The following SNX29 variants were observed in gnomAD, a reference collection of about 807,000 sequenced individuals.
The protein encoded by SNX29 is sorting nexin 29.
A neutral mutation model predicts 102.1 loss-of-function variants in SNX29; 78 were observed. That is an observed-to-expected ratio of 0.76 (90% CI 0.64 to 0.92). The LOEUF (loss-of-function observed/expected upper bound fraction) is 0.92. SNX29 is among the 40% of genes least tolerant of loss of function. The pLI is 0.00. For synonymous variants in SNX29, 580 were observed against 414.5 expected, an observed-to-expected ratio of 1.40 and a Z score of -4.85; for missense variants, 1,280 against 1,061.7, an observed-to-expected ratio of 1.21 and a Z score of -2.86.
At chr16:12,297,821 A>G (rs1218257706) in intron 15 of SNX29, among the ~76,000 whole-genome samples, 1 of 152,148 alleles carries the variant, frequency 6.6e-6, no homozygotes, top group Admixed American at 6.5e-5. Flanking sequence ...ACAACTGTCG[A>G]AACCTTCCCA....
intron 1 of SNX29, chr16:11,977,145 A>G (rs2055319349): frequency 6.3e-6 from 2 of 315,376 alleles, no homozygotes; most frequent in Admixed American, 1.0e-4. Flanking sequence ...CCCAGGTCTC[A>G]GTCTCTCCTA....
At chr16:12,224,124 G>C (rs544741534) in intron 14 of SNX29, among the ~76,000 whole-genome samples, 2 of 152,182 alleles carry the variant, frequency 1.3e-5, no homozygotes, top group Non-Finnish European at 2.9e-5. Flanking sequence ...TTTTCCTTTT[G>C]TTTCTTTCTC....
chr16:12,432,548 G>C (rs1234060695), intron 18 of SNX29, among the ~76,000 whole-genome samples: 1 of 152,166 alleles, frequency 6.6e-6, no homozygotes, highest in African/African-American at 2.4e-5. Context: ...CTAAGAAGGG[G>C]GATGGCAGGA....
chr16:12,151,573 G>A (rs966824872), intron 13 of SNX29, among the ~76,000 whole-genome samples: 1 of 152,100 alleles, frequency 6.6e-6, no homozygotes, highest in Non-Finnish European at 1.5e-5. Flanking sequence ...GTTCTGCCCG[G>A]GACTCGTACC....
chr16:12,480,577 G>T (rs1215547263), intron 19 of SNX29, among the ~76,000 whole-genome samples: 1 of 152,122 alleles, frequency 6.6e-6, no homozygotes, highest in Non-Finnish European at 1.5e-5. Flanking sequence ...TGGGGATTTG[G>T]GTGTGGACAT....
intron 18 of SNX29, among the ~76,000 whole-genome samples, chr16:12,431,434 C>CTTCTTTTTTTTTTTTTTTTTTTTTT (rs779738786): frequency 7.3e-6 from 1 of 136,950 alleles, no homozygotes; most frequent in African/African-American, 2.7e-5. Context: ...TCTTCTTCTT[C>CTTCTTTTTTTTTTTTTTTTTTTTTT]TTTTTTTTTT....
chr16:12,236,213 G>A (rs1248018579), intron 14 of SNX29, among the ~76,000 whole-genome samples: 3 of 152,060 alleles, frequency 2.0e-5, no homozygotes, highest in Non-Finnish European at 2.9e-5. Context: ...ACATCATCTG[G>A]TTGAACCAAA....
At chr16:12,527,692 G>C (rs1047328859) in intron 20 of SNX29, among the ~76,000 whole-genome samples, 1 of 152,170 alleles carries the variant, frequency 6.6e-6, no homozygotes, top group African/African-American at 2.4e-5. Flanking sequence ...ATCCTAGGGT[G>C]TTTGGCACCA....
chr16:12,333,222 C>T lies in SNX29; in HGVS notation c.1783-22941C>T, dbSNP rs138066224. On this transcript the variant is annotated intron_variant, in intron 15 of 20. Coordinates refer to ENST00000566228, the MANE Select transcript of SNX29 (RefSeq NM_032167.5). The stretch of plus-strand genomic sequence containing the variant: ...CCAAGTTCAAGTGATTGTCCTGCCT[C>T]AGCCTCCCAAGTAACTGGGACTACA... 3.4e-3 allele frequency among the ~76,000 whole-genome samples: 510 copies of T among 151,048 alleles called. 6 individuals are homozygous for T. Among genetic ancestry groups the T allele is most frequent in the African/African-American group, 0.012 (488 of 41,184 alleles).
intron 15 of SNX29, among the ~76,000 whole-genome samples, chr16:12,319,269 C>G (rs1196880396): frequency 6.6e-6 from 1 of 152,166 alleles, no homozygotes; most frequent in Non-Finnish European, 1.5e-5. Context: ...AATCCCAGCA[C>G]TGTGGGAGGA....
chr16:12,445,117 C>T (rs570221275), intron 18 of SNX29, among the ~76,000 whole-genome samples: 1 of 151,908 alleles, frequency 6.6e-6, no homozygotes, highest in East Asian at 1.9e-4. Context: ...TCTCAAAGTG[C>T]TGGGATTATA....
At chr16:11,998,325 T>G (rs1308627327) in intron 1 of SNX29, among the ~76,000 whole-genome samples, 1 of 152,080 alleles carries the variant, frequency 6.6e-6, no homozygotes, top group Admixed American at 6.6e-5. Context: ...GGAGATCAGG[T>G]GTGGCTCTAC....
At chr16:12,051,491 C>A (rs918244482) in intron 7 of SNX29, among the ~76,000 whole-genome samples, 1 of 152,198 alleles carries the variant, frequency 6.6e-6, no homozygotes, top group African/African-American at 2.4e-5. Context: ...GACTACACCC[C>A]CCAGCTGGTT....
rs114551164 is a variant in SNX29, at chr16:12,222,559, A to G, written c.1678+22876A>G. On this transcript the variant is annotated intron_variant, in intron 14 of 20. Transcript: ENST00000566228. The stretch of plus-strand genomic sequence containing the variant: ...ACTTCATATCTGGGTGAAGCTTCAC[A>G]GTTTGCAGAGTGCTGTCTTTTTTCT... Among the ~76,000 whole-genome samples the G allele has an allele frequency of 2.4e-3, 361 of 152,206 alleles. 2 individuals carry two copies. The highest frequency in any genetic ancestry group is 7.9e-3 in the African/African-American group (330 of 41,530).
In SNX29 at chr16:12,319,088, T is replaced by A. The variant is rs2080846220; in HGVS notation, c.1783-37075T>A. Among the ~76,000 whole-genome samples, 4 of 152,190 alleles carry A rather than the reference T, an allele frequency of 2.6e-5. No individual in the cohort carries two copies. The South Asian group carries it at 8.3e-4, about 32-fold the overall frequency. On this transcript the variant is annotated intron_variant, in intron 15 of 20. Coordinates refer to ENST00000566228, the MANE Select transcript of SNX29 (RefSeq NM_032167.5). ...TGTTTAATCCTTCGTTATCTTGTCA[T>A]GCTTCAAGGCCCAGGAAAGGCCTGG...
chr16:12,057,244 C>T (rs1438762139), intron 8 of SNX29, among the ~76,000 whole-genome samples: 1 of 152,182 alleles, frequency 6.6e-6, no homozygotes, highest in Non-Finnish European at 1.5e-5. Flanking sequence ...AGCAGTTAAG[C>T]AAATGCAAAG....
rs189774573 is a variant in SNX29, at chr16:12,310,719, C to T, written c.1782+32683C>T. Among the ~76,000 whole-genome samples the T allele has an allele frequency of 1.6e-4, 24 of 152,100 alleles. No individual in the cohort carries two copies. In the East Asian group the frequency reaches 2.5e-3, roughly 16 times the overall value. Reference sequence around the variant, plus strand: ...TGTCTTGTGATGGGGGTTTCACAAACGTAAACATATGTCAAAACTTGTCAG... The same window carrying T: ...TGTCTTGTGATGGGGGTTTCACAAATGTAAACATATGTCAAAACTTGTCAG... On this transcript the variant is annotated intron_variant, in intron 15 of 20. Transcript: ENST00000566228.
chr16:12,429,849 A>G (rs141947283), intron 18 of SNX29, among the ~76,000 whole-genome samples: 91 of 152,306 alleles, frequency 6.0e-4, no homozygotes, highest in African/African-American at 1.6e-3. Flanking sequence ...TAGAAAGGGC[A>G]TGGACTTTTG....
intron 14 of SNX29, among the ~76,000 whole-genome samples, chr16:12,243,916 T>C (rs2078185797): frequency 6.6e-6 from 1 of 152,228 alleles, no homozygotes; most frequent in African/African-American, 2.4e-5. Context: ...TTGTCAAATG[T>C]CATGGAGTCC....
Sources: allele counts gnomAD v4.1 joint callset (sites outside exome capture counted in the v4.1 genomes callset), GRCh38; gene constraint gnomAD v4.1.1; transcripts MANE v1.5; gene names NCBI Gene and HGNC (gene_info 2026-07-23, HGNC 2026-07-21).